STK32B: variants seen among roughly 807,000 people sequenced by gnomAD.
STK32B encodes the protein serine/threonine kinase 32B.
In STK32B, 43 loss-of-function variants were observed where a neutral mutation model predicts 52.6. That is an observed-to-expected ratio of 0.82 (90% CI 0.64 to 1.05). The LOEUF (loss-of-function observed/expected upper bound fraction) is 1.05. Among genes scored for constraint, STK32B ranks in the 50% least tolerant of loss-of-function variants. The probability of loss-of-function intolerance (pLI) is 0.00; values close to 1 mark genes in which losing one functional copy is unlikely to be tolerated. For missense variants in STK32B, 621 were observed against 534.6 expected, an observed-to-expected ratio of 1.16 and a Z score of -1.59; for synonymous variants, 238 against 204.3, an observed-to-expected ratio of 1.17 and a Z score of -1.41.
At chr4:5,359,972 G>T (rs1734440325) in intron 4 of STK32B, among the ~76,000 whole-genome samples, 2 of 152,204 alleles carry the variant, frequency 1.3e-5, no homozygotes, top group Non-Finnish European at 2.9e-5. Flanking sequence ...TTCGATAGAG[G>T]AGCACACTGG....
At position 5,251,858 on chromosome 4, in the gene STK32B, T is replaced by C. The variant is rs538627303; in HGVS notation, c.261-79362T>C. On this transcript the variant is annotated intron_variant, in intron 3 of 11. Coordinates refer to ENST00000282908, the MANE Select transcript of STK32B (RefSeq NM_018401.3). ...TAATTTGTTTTGTAACATTTGATAA[T>C]ATGTCAAACTGCATCTGGGCACTAA... Among the ~76,000 whole-genome samples the C allele has an allele frequency of 1.5e-4, 23 of 152,324 alleles. No individual in the cohort carries two copies. In the South Asian group the frequency reaches 3.5e-3, roughly 23 times the overall value.
At chr4:5,227,341 C>T (rs576008286) in intron 3 of STK32B, among the ~76,000 whole-genome samples, 26 of 152,278 alleles carry the variant, frequency 1.7e-4, no homozygotes, top group Admixed American at 3.9e-4. Flanking sequence ...ATTTTTGTAA[C>T]ACAATATATT....
intron 2 of STK32B, among the ~76,000 whole-genome samples, chr4:5,148,152 A>AT (rs1717061778): frequency 6.6e-6 from 1 of 151,714 alleles, no homozygotes; most frequent in Non-Finnish European, 1.5e-5. Context: ...AAATTAATCA[A>AT]TTTTCTCTAT....
chr4:5,144,072 T>C (rs965682952), intron 2 of STK32B, among the ~76,000 whole-genome samples: 1 of 152,286 alleles, frequency 6.6e-6, no homozygotes, highest in South Asian at 2.1e-4. Context: ...AGCTCATTCT[T>C]ACATAACACA....
At chr4:5,193,375 A>G (rs1169239478) in intron 3 of STK32B, among the ~76,000 whole-genome samples, 1 of 152,208 alleles carries the variant, frequency 6.6e-6, no homozygotes, top group East Asian at 1.9e-4. Flanking sequence ...TAGTAGATGA[A>G]CACACTGAGG....
Position 5,498,992 on chromosome 4 carries a change from G to C in STK32B, c.1154G>C (p.Ser385Thr). Residue 385 changes from serine to threonine, a missense_variant, in exon 12 of 12, where the codon AGC (serine) becomes ACC (threonine). Ser to Thr is a moderately conservative substitution (Grantham distance 58). Coordinates refer to ENST00000282908, the MANE Select transcript of STK32B (RefSeq NM_018401.3). ...GGCAGCCAGCTCTTGGACACCGACA[G>C]CCGAGGGGGAGGCCAGGCCCAAAGC... ...GQGSQLLDTDSRGGGQAQSKL... is the reference protein window; with the variant it reads ...GQGSQLLDTDTRGGGQAQSKL... 3.1e-6 allele frequency: 5 copies of C among 1,613,838 alleles called. No homozygotes were observed. Among genetic ancestry groups the C allele is most frequent in the Non-Finnish European group, 4.2e-6 (5 of 1,179,848 alleles).
At chr4:5,372,867 TAAAG>T in intron 4 of STK32B, among the ~76,000 whole-genome samples, 1 of 152,156 alleles carries the variant, frequency 6.6e-6, no homozygotes. Flanking sequence ...ATGAGCCCAA[TAAAG>T]TTTATGATTG....
At chr4:5,102,478 TTCCTTCCTTCCTTCCC>T (rs1377609636) in intron 1 of STK32B, among the ~76,000 whole-genome samples, 12 of 109,410 alleles carry the variant, frequency 1.1e-4, no homozygotes, top group African/African-American at 3.0e-4. Flanking sequence ...CCTTCCTTCC[TTCCTTCCTTCCTTCCC>T]TCCCTCCCTC....
chr4:5,318,170 G>C (rs1227107262), intron 3 of STK32B, among the ~76,000 whole-genome samples: 2 of 152,104 alleles, frequency 1.3e-5, no homozygotes, highest in Admixed American at 1.3e-4. Flanking sequence ...GGAAAGGGCA[G>C]ACAGCACACA....
intron 3 of STK32B, among the ~76,000 whole-genome samples, chr4:5,181,369 G>GCAC (rs1560203758): frequency 5.3e-4 from 61 of 115,812 alleles, no homozygotes; most frequent in African/African-American, 1.8e-3. Context: ...CACACACACA[G>GCAC]AGATCTCATT....
intron 6 of STK32B, among the ~76,000 whole-genome samples, chr4:5,430,320 C>T (rs1452634779): frequency 6.6e-6 from 1 of 152,194 alleles, no homozygotes; most frequent in African/African-American, 2.4e-5. Context: ...CAGGCAATTT[C>T]TTTTGACCTA....
intron 2 of STK32B, among the ~76,000 whole-genome samples, chr4:5,150,594 A>G (rs1717276153): frequency 6.6e-6 from 1 of 151,552 alleles, no homozygotes; most frequent in Admixed American, 6.6e-5. Context: ...TCTTAACTGG[A>G]CTGCTTTCAG....
At chr4:5,488,793 A>G (rs900790514) in intron 11 of STK32B, among the ~76,000 whole-genome samples, 4 of 152,020 alleles carry the variant, frequency 2.6e-5, no homozygotes, top group Non-Finnish European at 4.4e-5. Context: ...TTTCTCTCCT[A>G]CTTACCAGTT....
chr4:5,367,892 C>T (rs758336645), intron 4 of STK32B, among the ~76,000 whole-genome samples: 4 of 152,130 alleles, frequency 2.6e-5, no homozygotes, highest in Non-Finnish European at 4.4e-5. Flanking sequence ...AGATTCAGAC[C>T]TCTCCCTGTC....
intron 3 of STK32B, among the ~76,000 whole-genome samples, chr4:5,246,343 C>G (rs1337317851): frequency 2.0e-5 from 3 of 152,056 alleles, no homozygotes; most frequent in Middle Eastern, 3.2e-3. Flanking sequence ...TAGCTGATAC[C>G]CTTTCTTCCA....
intron 2 of STK32B, among the ~76,000 whole-genome samples, chr4:5,166,267 CAGAGAGCCTGGG>C (rs1210496452): frequency 6.6e-6 from 1 of 151,738 alleles, no homozygotes; most frequent in Admixed American, 6.6e-5. Flanking sequence ...GCTGGGGAGG[CAGAGAGCCTGGG>C]TTTGAGTTGA....
At chr4:5,444,750 T>C (rs1198567209) in intron 6 of STK32B, among the ~76,000 whole-genome samples, 2 of 152,214 alleles carry the variant, frequency 1.3e-5, no homozygotes, top group Non-Finnish European at 2.9e-5. Flanking sequence ...TTTAATCTAC[T>C]TAATCCTCAC....
rs534196567 is a variant in STK32B at position 5,327,091 on chromosome 4, CT to C, written c.261-4127del. Among the ~76,000 whole-genome samples, 35 of 152,202 alleles carry C rather than the reference CT, an allele frequency of 2.3e-4. No individual in the cohort carries two copies. The East Asian group carries it at 4.6e-3, about 20-fold the overall frequency. On this transcript the variant is annotated intron_variant, in intron 3 of 11. Transcript: ENST00000282908. Reference sequence around the variant, plus strand: ...GGGGAAACAACTCAACTCCTCATCTCTTAACGTTTTATCGTGAGATGGCAGC... The same window carrying C: ...GGGGAAACAACTCAACTCCTCATCTCTAACGTTTTATCGTGAGATGGCAGC...
intron 7 of STK32B, among the ~76,000 whole-genome samples, chr4:5,449,902 T>C (rs188965609): frequency 6.6e-6 from 1 of 152,296 alleles, no homozygotes; most frequent in African/African-American, 2.4e-5. Flanking sequence ...GGGCTCCCAC[T>C]GATTCTACAT....
Sources: gnomAD v4.1 joint callset for allele counts (sites outside exome capture counted in the v4.1 genomes callset) on GRCh38, gnomAD v4.1.1 for gene constraint, MANE v1.5 for transcripts, NCBI Gene and HGNC (gene_info 2026-07-23, HGNC 2026-07-21) for gene names.